TGS1: variants seen among roughly 807,000 people sequenced by gnomAD.
TGS1 encodes trimethylguanosine synthase.
TGS1 carries 69 observed loss-of-function variants against 92.2 expected under a neutral mutation model. The ratio of observed to expected loss-of-function variants is 0.75; its 90% CI spans 0.62 to 0.91. TGS1 has a LOEUF of 0.91. TGS1 is among the 40% of genes least tolerant of loss of function. The pLI is 0.00. For synonymous variants in TGS1, 345 were observed against 338.1 expected (o/e 1.02, Z -0.22); for missense variants, 1,062 against 1,001.2 (o/e 1.06, Z -0.82).
At position 55,773,471 on chromosome 8, in the gene TGS1, G is replaced by T; in HGVS notation, c.-148G>T. Reference sequence around the variant, plus strand: ...ACTTCCGGCGGCAGCGTCCGGGCTAGTTCCCGGCGCGAGCGGCCGCGGGCC... The same window carrying T: ...ACTTCCGGCGGCAGCGTCCGGGCTATTTCCCGGCGCGAGCGGCCGCGGGCC... On this transcript the variant is annotated 5_prime_UTR_variant, in exon 1 of 13. Transcript: ENST00000260129. 1.7e-6 allele frequency: 1 copy of T among 572,314 alleles called. No individual in the cohort carries two copies. The highest frequency in any genetic ancestry group is 2.4e-5 in the South Asian group (1 of 42,310). 35.5% of individuals were successfully genotyped at this position (572,314 alleles called of 1,614,324 possible). A position where few individuals can be genotyped will look rare whatever the true frequency, so the allele number is the denominator to read the frequency against.
rs77610966 is a variant in TGS1, at chr8:55,778,904, A to G, written c.102-3844A>G. ...GCTGCAATAGAAAGATGACTTAGGCATCATAGTGATGATTGCTATATTCAG... is the reference window on the plus strand; with the variant it reads ...GCTGCAATAGAAAGATGACTTAGGCGTCATAGTGATGATTGCTATATTCAG... On this transcript the variant is annotated intron_variant, in intron 1 of 12. Coordinates refer to ENST00000260129, the MANE Select transcript of TGS1 (RefSeq NM_024831.8). Among the ~76,000 whole-genome samples the G allele has an allele frequency of 3.8e-3, 578 of 152,336 alleles. 11 individuals carry two copies. The East Asian group carries it at 0.046, about 12-fold the overall frequency.
chr8:55,782,664 TAATC>T, intron 1 of TGS1, 80 bp from the exon 2 acceptor site: 1 of 1,019,442 alleles, frequency 9.8e-7, no homozygotes, highest in African/African-American at 1.6e-5. Flanking sequence ...TTTTATTAAT[TAATC>T]TATGATGGCT....
chr8:55,816,310 T>C (rs975954684), intron 12 of TGS1, among the ~76,000 whole-genome samples: 13 of 152,166 alleles, frequency 8.5e-5, no homozygotes, highest in African/African-American at 3.1e-4. Context: ...AGACAAGGAC[T>C]TAGTCCTTCC....
At chr8:55,792,829 T>C (rs766061805) in intron 6 of TGS1, 45 bp downstream of exon 6, 12 of 1,309,528 alleles carry the variant, frequency 9.2e-6, no homozygotes, top group Non-Finnish European at 1.3e-5. Flanking sequence ...TCCTAACCAC[T>C]TCAACTATCT....
At chr8:55,785,958 A>G in intron 3 of TGS1, 67 bp downstream of exon 3, 1 of 1,341,856 alleles carries the variant, frequency 7.5e-7, no homozygotes, top group Non-Finnish European at 1.0e-6. Context: ...GCAAGGAATT[A>G]CTTTTTATCA....
At chr8:55,817,295 AGTAGATAGATAGATAG>A (rs1439833514) in intron 12 of TGS1, among the ~76,000 whole-genome samples, 1 of 152,200 alleles carries the variant, frequency 6.6e-6, no homozygotes, top group African/African-American at 2.4e-5. Flanking sequence ...TAGGTAGGTA[AGTAGATAGATAGATAG>A]GTCGATAGGA....
In TGS1 at chr8:55,799,204, C is replaced by G. The variant is rs145657824; in HGVS notation, c.1833C>G (p.Arg611=). ...TTACTCAAGAAGTGCCAGACTCCCG[C>G]CAGGCAGAAACTGAAGGTAACACTA... ...DCVTQEVPDS[R]QAETEAEVKK... is the part of the protein sequence containing the mutation. Residue 611 remains arginine (R), a synonymous_variant, in exon 8 of 13, where the codon CGC becomes CGG. Coordinates refer to ENST00000260129, the MANE Select transcript of TGS1 (RefSeq NM_024831.8). 2.3e-4 allele frequency: 378 copies of G among 1,609,360 alleles called. 1 individual carries two copies. The highest frequency in any genetic ancestry group is 2.8e-4 in the Non-Finnish European group (332 of 1,178,074).
rs564616682 is a variant in TGS1 at position 55,826,127 on chromosome 8, G to A, written c.*1424G>A. 5.0e-4 allele frequency among the ~76,000 whole-genome samples: 76 copies of A among 152,236 alleles called. 1 individual carries two copies. The Middle Eastern group carries it at 0.014, about 27-fold the overall frequency. ...AGCCTCCCGTAGTTCTGGGATTACAGGCGTGAGCCACCGCGCCTGGCTTTA... is the reference window on the plus strand; with the variant it reads ...AGCCTCCCGTAGTTCTGGGATTACAAGCGTGAGCCACCGCGCCTGGCTTTA... On this transcript the variant is annotated 3_prime_UTR_variant, in exon 13 of 13. Transcript: ENST00000260129.
chr8:55,801,146 A>C (rs1474456472), intron 8 of TGS1, among the ~76,000 whole-genome samples: 1 of 152,244 alleles, frequency 6.6e-6, no homozygotes, highest in Non-Finnish European at 1.5e-5. Context: ...GATTTCTATA[A>C]TTCACCACAT....
intron 1 of TGS1, 36 bp downstream of exon 1, chr8:55,773,755 C>T (rs1323774373): frequency 6.6e-7 from 1 of 1,520,630 alleles, no homozygotes; most frequent in Non-Finnish European, 9.0e-7. Context: ...TGTTCTAGCA[C>T]AGTCATTACC....
intron 10 of TGS1, 40 bp from the exon 11 acceptor site, chr8:55,810,841 C>A: frequency 6.8e-7 from 1 of 1,460,108 alleles, no homozygotes; most frequent in South Asian, 1.1e-5. Flanking sequence ...AAGTAATAAT[C>A]AGTGTCAATT....
At chr8:55,824,496 T>C (rs1432326058) in intron 12 of TGS1, 85 bp from the exon 13 acceptor site, 25 of 1,544,670 alleles carry the variant, frequency 1.6e-5, no homozygotes, top group Non-Finnish European at 2.1e-5. Context: ...AGAGTCTTCC[T>C]ATTATTTGAT....
intron 1 of TGS1, among the ~76,000 whole-genome samples, chr8:55,776,675 A>C (rs112885122): frequency 0.063 from 9,619 of 152,090 alleles, 365 homozygotes; most frequent in African/African-American, 0.1. Flanking sequence ...TATGGATTTC[A>C]TTTCTGCCTT....
intron 5 of TGS1, 100 bp from the exon 6 acceptor site, chr8:55,792,598 G>A (rs1437472919): frequency 1.4e-6 from 1 of 738,184 alleles, no homozygotes; most frequent in Non-Finnish European, 2.3e-6. Context: ...ATGGTGTTGG[G>A]AAGTTTGCAT....
chr8:55,789,640 C>T (rs774933968), intron 4 of TGS1, among the ~76,000 whole-genome samples: 2 of 152,142 alleles, frequency 1.3e-5, no homozygotes. Flanking sequence ...AAGAACGATT[C>T]TCGAATCAGG....
At chr8:55,806,356 C>CAAAAAAAAAAAAAAAAAAAAAAA (rs1047234489) in intron 10 of TGS1, among the ~76,000 whole-genome samples, 1 of 39,002 alleles carries the variant, frequency 2.6e-5, no homozygotes, top group Non-Finnish European at 5.3e-5. Context: ...GACTCCACCT[C>CAAAAAAAAAAAAAAAAAAAAAAA]AAAAAAAAAA....
intron 1 of TGS1, among the ~76,000 whole-genome samples, chr8:55,781,183 A>G (rs1201714904): frequency 6.6e-6 from 1 of 152,202 alleles, no homozygotes; most frequent in Non-Finnish European, 1.5e-5. Flanking sequence ...ATACACACAT[A>G]TGTAACACTT....
At chr8:55,805,185 G>C in intron 10 of TGS1, 149 bp downstream of exon 10, 1 of 561,732 alleles carries the variant, frequency 1.8e-6, no homozygotes, top group Non-Finnish European at 2.8e-6. Context: ...CATATATTAA[G>C]CATATACTTT....
chr8:55,796,068 A>G lies in TGS1; in HGVS notation c.1458A>G (p.Arg486=). ...KLKSKYLDMR[R]QIKMKNKHIF... Reference sequence around the variant, plus strand: ...AGTCTAAGTACCTAGACATGCGCAGACAAATAAAGATGAAAAACAAACACA... The same window carrying G: ...AGTCTAAGTACCTAGACATGCGCAGGCAAATAAAGATGAAAAACAAACACA... Residue 486 remains arginine, a synonymous_variant, in exon 7 of 13, where the codon AGA becomes AGG. Coordinates refer to ENST00000260129, the MANE Select transcript of TGS1 (RefSeq NM_024831.8). The G allele has an allele frequency of 6.2e-7, 1 of 1,613,338 alleles. No homozygotes were observed. The highest frequency in any genetic ancestry group is 1.3e-5 in the African/African-American group (1 of 75,058).
Sources: allele counts gnomAD v4.1 joint callset (sites outside exome capture counted in the v4.1 genomes callset), GRCh38; gene constraint gnomAD v4.1.1; transcripts MANE v1.5; gene names NCBI Gene and HGNC (gene_info 2026-07-23, HGNC 2026-07-21).